Variants in KRT78 observed in about 807,000 individuals in gnomAD.
The protein encoded by KRT78 is keratin, type II cytoskeletal 78.
KRT78 carries 55 observed loss-of-function variants against 51.4 expected under a neutral mutation model. The observed-to-expected ratio is 1.07, with a 90% CI of 0.86 to 1.34. KRT78 has a LOEUF of 1.34. KRT78 is among the 40% of genes most tolerant of loss of function. The pLI, the probability that KRT78 is intolerant of heterozygous loss-of-function variation, is 0.00. For synonymous variants in KRT78, 291 were observed against 264.3 expected (o/e 1.10, Z -0.98); for missense variants, 652 against 649.4 (o/e 1.00, Z -0.04).
At chr12:52,840,146 C>T (rs1466325174) in intron 6 of KRT78, among the ~76,000 whole-genome samples, 162 bp from the exon 7 acceptor site, 5 of 152,154 alleles carry the variant, frequency 3.3e-5, no homozygotes, top group African/African-American at 4.8e-5. Flanking sequence ...GCAACAGGCT[C>T]CTCTCATTCT....
Position 52,846,289 on chromosome 12 carries a change from C to T in KRT78, c.664G>A (p.Val222Met), listed in dbSNP as rs758325021. 32 of 1,605,894 alleles carry T rather than the reference C, an allele frequency of 2.0e-5. No homozygotes were observed. The South Asian group carries it at 3.0e-4, about 15-fold the overall frequency. ...ATCTTGCTCAGGAAAACCCCATCCA[C>T]ATCCTGGAGACAAGGGGAGAGAGAA... ...ENDFVVLKKDVDGVFLSKMEL... is the reference protein window; with the variant it reads ...ENDFVVLKKDMDGVFLSKMEL... The change falls in exon 4 of 9, where the codon GTG becomes ATG. Residue 222 changes from valine to methionine, a missense_variant. Transcript: ENST00000304620.
chr12:52,844,040 A>G (rs1940579667), intron 6 of KRT78, 53 bp downstream of exon 6: 1 of 1,598,998 alleles, frequency 6.3e-7, no homozygotes, highest in Non-Finnish European at 8.5e-7. Flanking sequence ...CTGGGAAGTG[A>G]GTTGAAGGCA....
intron 2 of KRT78, among the ~76,000 whole-genome samples, chr12:52,847,216 T>A (rs981108009): frequency 3.9e-5 from 6 of 152,162 alleles, no homozygotes; most frequent in African/African-American, 1.4e-4. Context: ...CAGGGCTCCT[T>A]CCAGAACCTT....
rs561803043 is a variant in KRT78, at chr12:52,844,422, C to T, written c.921+137G>A. ...CGCCTCCCTCCTGGAGGGGAAATGGCCCTGCCCACCCAGCCCCAGACCTTC... is the reference window on the plus strand; with the variant it reads ...CGCCTCCCTCCTGGAGGGGAAATGGTCCTGCCCACCCAGCCCCAGACCTTC... On this transcript the variant is annotated intron_variant, in intron 5 of 8. Transcript: ENST00000304620. The T allele has an allele frequency of 5.4e-4, 644 of 1,188,284 alleles. 1 individual carries two copies. Among genetic ancestry groups the T allele is most frequent in the Non-Finnish European group, 7.0e-4 (594 of 843,496 alleles). 73.6% of individuals were successfully genotyped at this position (1,188,284 alleles called of 1,614,324 possible).
At chr12:52,846,353 G>A in intron 3 of KRT78, 61 bp from the exon 4 acceptor site, 2 of 1,060,214 alleles carry the variant, frequency 1.9e-6, no homozygotes, top group Non-Finnish European at 1.5e-6. Context: ...CCCTACTCTG[G>A]CTCAGGAATT....
intron 4 of KRT78, among the ~76,000 whole-genome samples, chr12:52,845,272 C>T (rs150271046): frequency 0.042 from 6,356 of 152,182 alleles, 248 homozygotes; most frequent in East Asian, 0.13. Context: ...TCCCAAAGTG[C>T]TGGGATTATA....
chr12:52,842,080 T>C (rs769007897), intron 6 of KRT78, among the ~76,000 whole-genome samples: 2 of 152,176 alleles, frequency 1.3e-5, no homozygotes, highest in Non-Finnish European at 2.9e-5. Flanking sequence ...TGGTGAAACA[T>C]AGTGGCAGCA....
At position 52,846,212 on chromosome 12, in the gene KRT78, C is replaced by T; in HGVS notation, c.741G>A (p.Lys247=). ...TGAGCCTCACTTCTTCATTCAGATG[C>T]TTCAAGAAGTAGAGGTACTCTCTCA... ...EALREYLYFL[K]HLNEEELGQL... Residue 247 remains lysine, a synonymous_variant, in exon 4 of 9, where the codon AAG becomes AAA. Transcript: ENST00000304620. 1 of 1,613,150 alleles carries T rather than the reference C, an allele frequency of 6.2e-7. No homozygotes were observed. The highest frequency in any genetic ancestry group is 8.5e-7 in the Non-Finnish European group (1 of 1,179,222).
Position 52,848,860 on chromosome 12 carries a change from C to A in KRT78, c.71G>T (p.Gly24Val). 3.1e-6 allele frequency: 5 copies of A among 1,612,182 alleles called. No homozygotes were observed. The highest frequency in any genetic ancestry group is 4.2e-6 in the Non-Finnish European group (5 of 1,179,256). ...ARSACSARSR[G>V]RSRGGFSSRG... ...GCTGCTGAAGCCTCCCCTGCTGCGGCCCCTTGAGCGAGCAGAACAGGCTGA... is the reference window on the plus strand; with the variant it reads ...GCTGCTGAAGCCTCCCCTGCTGCGGACCCTTGAGCGAGCAGAACAGGCTGA... Residue 24 changes from glycine (G) to valine (V), a missense_variant, in exon 1 of 9, where the codon GGC becomes GTC. Physicochemically the swap from Gly to Val is moderately radical, Grantham distance 109. Transcript: ENST00000304620.
rs748869350 is a variant in KRT78, at chr12:52,839,087, C to CA, written c.*25dup. 8.1e-6 allele frequency: 13 copies of CA among 1,602,922 alleles called. No individual in the cohort carries two copies. In the South Asian group the frequency reaches 1.3e-4, roughly 17 times the overall value. ...ATGGGGGGAGTGGGCCAAATGTGTT[C>CA]AGGAAGGAGGTGGCTGCTGGGTCGC... On this transcript the variant is annotated 3_prime_UTR_variant, in exon 9 of 9. Transcript: ENST00000304620.
chr12:52,844,877 C>T (rs1940604640), intron 4 of KRT78, among the ~76,000 whole-genome samples, 154 bp from the exon 5 acceptor site: 2 of 152,052 alleles, frequency 1.3e-5, no homozygotes, highest in Admixed American at 1.3e-4. Context: ...CCATGGGACT[C>T]GATCTCCTCA....
At position 52,844,704 on chromosome 12, in the gene KRT78, G is replaced by T; in HGVS notation, c.776C>A (p.Thr259Asn). 1.9e-6 allele frequency: 3 copies of T among 1,612,112 alleles called. No individual in the cohort carries two copies. Among genetic ancestry groups the T allele is most frequent in the Non-Finnish European group, 2.5e-6 (3 of 1,178,832 alleles). The change falls in exon 5 of 9, where the codon ACC becomes AAC. Residue 259 changes from threonine to asparagine, a missense_variant. By Grantham distance (65) the Thr-to-Asn change is moderately conservative (BLOSUM62 0). Transcript: ENST00000304620. ...CACCACAGACGTGTCGCTGGCCTGGGTCTGGAGCTGGCCCAGCTCCTGCAG... is the reference window on the plus strand; with the variant it reads ...CACCACAGACGTGTCGCTGGCCTGGTTCTGGAGCTGGCCCAGCTCCTGCAG... ...LNEEELGQLQ[T>N]QASDTSVVLS...
chr12:52,847,057 AT>A (rs1940660720), intron 2 of KRT78, among the ~76,000 whole-genome samples: 1 of 152,198 alleles, frequency 6.6e-6, no homozygotes, highest in South Asian at 2.1e-4. Context: ...TATAAGGCAC[AT>A]TCGAATACCT....
chr12:52,841,464 G>A (rs1322958571), intron 6 of KRT78, among the ~76,000 whole-genome samples: 1 of 150,514 alleles, frequency 6.6e-6, no homozygotes, highest in Non-Finnish European at 1.5e-5. Flanking sequence ...TCCAGCCTGG[G>A]TGACAGAGTG....
rs1234794827 is a variant in KRT78 at position 52,839,455 on chromosome 12, A to G, written c.1301T>C (p.Ile434Thr). The G allele has an allele frequency of 1.2e-6, 2 of 1,608,640 alleles. No homozygotes were observed. The highest frequency in any genetic ancestry group is 1.7e-5 in the Admixed American group (1 of 59,190). ...MSGECTSQVTISSVGGSAVMS... is the reference protein window; with the variant it reads ...MSGECTSQVTTSSVGGSAVMS... Reference sequence around the variant, plus strand: ...CCCTAAAGTCCCCTGATACTCACAGATAGTGACCTGGCTGGTGCACTCCCC... The same window carrying G: ...CCCTAAAGTCCCCTGATACTCACAGGTAGTGACCTGGCTGGTGCACTCCCC... Residue 434 changes from isoleucine (I) to threonine (T), a missense_variant and splice_region_variant, in exon 8 of 9, where the codon ATC (isoleucine) becomes ACC (threonine). Ile to Thr is a moderately conservative substitution (Grantham distance 89). Transcript: ENST00000304620.
chr12:52,846,693 C>A, intron 3 of KRT78, 71 bp downstream of exon 3: 1 of 1,364,994 alleles, frequency 7.3e-7, no homozygotes, highest in East Asian at 2.3e-5. Context: ...CTTTTCCCTC[C>A]CAGCCTAGGA....
chr12:52,848,486 A>T, intron 1 of KRT78, 61 bp downstream of exon 1: 1 of 1,589,808 alleles, frequency 6.3e-7, no homozygotes, highest in East Asian at 2.2e-5. Context: ...TTCCAAGTCC[A>T]TCAAGAGCAG....
Position 52,839,376 on chromosome 12 carries a change from C to T in KRT78, c.1304-4G>A, listed in dbSNP as rs1940425897. The stretch of plus-strand genomic sequence containing the variant: ...ACAGCGCTGCCTCCCACCGAGGCTG[C>T]CAAGAAACGCACCGGGTCAGAGCAG... On this transcript the variant is annotated splice_region_variant and splice_polypyrimidine_tract_variant and intron_variant, in intron 8 of 8. Transcript: ENST00000304620. 6.2e-7 allele frequency: 1 copy of T among 1,613,506 alleles called. No homozygotes were observed. The highest frequency in any genetic ancestry group is 8.5e-7 in the Non-Finnish European group (1 of 1,179,702).
At chr12:52,842,059 T>A (rs1420403344) in intron 6 of KRT78, among the ~76,000 whole-genome samples, 1 of 152,144 alleles carries the variant, frequency 6.6e-6, no homozygotes, top group East Asian at 1.9e-4. Context: ...AAGCAAGGGG[T>A]CCAAATTTGT....
Sources: allele counts gnomAD v4.1 joint callset (sites outside exome capture counted in the v4.1 genomes callset), GRCh38; gene constraint gnomAD v4.1.1; transcripts MANE v1.5; gene names NCBI Gene and HGNC (gene_info 2026-07-23, HGNC 2026-07-21).